WIF1: variants seen among roughly 807,000 people sequenced by gnomAD.
The protein encoded by WIF1 is Wnt inhibitory factor 1.
WIF1 carries 35 observed loss-of-function variants against 53.5 expected under a neutral mutation model. That is an observed-to-expected ratio of 0.65 (90% confidence interval 0.50 to 0.87). The LOEUF (loss-of-function observed/expected upper bound fraction) is 0.87, where lower values mean the gene tolerates loss of function less well. Among genes scored for constraint, WIF1 ranks in the 40% least tolerant of loss-of-function variants. The probability of loss-of-function intolerance (pLI) is 0.00; values close to 1 mark genes in which losing one functional copy is unlikely to be tolerated. For missense variants in WIF1, 467 were observed against 476.8 expected (o/e 0.98, Z 0.19); for synonymous variants, 171 against 170.4 (o/e 1.00, Z -0.03).
chr12:65,102,320 G>T (rs1236850909), intron 2 of WIF1, among the ~76,000 whole-genome samples: 2 of 152,138 alleles, frequency 1.3e-5, no homozygotes, highest in African/African-American at 4.8e-5. Flanking sequence ...ATGATCTTCA[G>T]TTGGCAAGCT....
At chr12:65,053,588 G>T (rs1046552382) in intron 9 of WIF1, among the ~76,000 whole-genome samples, 3 of 152,054 alleles carry the variant, frequency 2.0e-5, no homozygotes, top group Admixed American at 2.0e-4. Context: ...AGTTTCCTGA[G>T]GCCTCCCTAG....
At chr12:65,077,374 T>TG (rs1250644283) in intron 3 of WIF1, among the ~76,000 whole-genome samples, 4 of 6,186 alleles carry the variant, frequency 6.5e-4, no homozygotes. Flanking sequence ...TTATCCCATT[T>TG]GCCCCCAATC....
At position 65,121,279 on chromosome 12, in the gene WIF1, C is replaced by T. The variant is rs1316504544; in HGVS notation, c.-88G>A. 2.2e-6 allele frequency: 3 copies of T among 1,333,342 alleles called. No individual in the cohort carries two copies. The highest frequency in any genetic ancestry group is 1.5e-5 in the African/African-American group (1 of 66,154). 82.6% of individuals were successfully genotyped at this position (1,333,342 alleles called of 1,614,324 possible). ...CGTCAGATACTCTGCTGCGCTGCAG[C>T]TCCCTCAGCCAGGGCTGTTCCCGTT... On this transcript the variant is annotated 5_prime_UTR_variant, in exon 1 of 10. Transcript: ENST00000286574.
intron 2 of WIF1, among the ~76,000 whole-genome samples, chr12:65,079,001 C>A (rs183155096): frequency 6.6e-6 from 1 of 151,892 alleles, no homozygotes; most frequent in Non-Finnish European, 1.5e-5. Flanking sequence ...CCCGTCTCTA[C>A]TAAAAATACA....
chr12:65,100,221 A>G (rs996509995), intron 2 of WIF1, among the ~76,000 whole-genome samples: 8 of 152,326 alleles, frequency 5.3e-5, no homozygotes, highest in African/African-American at 1.9e-4. Context: ...ATAATGTAGC[A>G]TCTATCTGAT....
At chr12:65,103,825 C>T (rs985645162) in intron 2 of WIF1, among the ~76,000 whole-genome samples, 5 of 152,238 alleles carry the variant, frequency 3.3e-5, no homozygotes, top group African/African-American at 1.2e-4. Context: ...TTCCTTGTGC[C>T]TCTAACTTCT....
chr12:65,104,109 G>A (rs1883319812), intron 2 of WIF1, among the ~76,000 whole-genome samples: 1 of 152,152 alleles, frequency 6.6e-6, no homozygotes, highest in African/African-American at 2.4e-5. Context: ...ATTGATCCCA[G>A]TAATAAATGA....
At chr12:65,112,449 CA>C (rs1565761452) in intron 2 of WIF1, among the ~76,000 whole-genome samples, 4 of 149,898 alleles carry the variant, frequency 2.7e-5, no homozygotes, top group African/African-American at 1.0e-4. Flanking sequence ...CACACACACA[CA>C]CCATCCTGGA....
At chr12:65,075,570 A>T (rs1882848676) in intron 3 of WIF1, among the ~76,000 whole-genome samples, 1 of 152,234 alleles carries the variant, frequency 6.6e-6, no homozygotes. Flanking sequence ...ATCTTGAATC[A>T]ATTCAACTTC....
At chr12:65,090,882 A>T (rs1883111873) in intron 2 of WIF1, among the ~76,000 whole-genome samples, 1 of 152,154 alleles carries the variant, frequency 6.6e-6, no homozygotes, top group Admixed American at 6.6e-5. Flanking sequence ...GTCCCTTGAC[A>T]GTGGCAGTAC....
At chr12:65,094,948 ATTTT>A (rs1348141251) in intron 2 of WIF1, among the ~76,000 whole-genome samples, 46 of 121,866 alleles carry the variant, frequency 3.8e-4, no homozygotes, top group African/African-American at 1.4e-3. Context: ...TTATTTATTT[ATTTT>A]GACAAGGTCT....
Position 65,121,099 on chromosome 12 carries a change from C to A in WIF1, c.93G>T (p.Pro31=), listed in dbSNP as rs781492372. ...TCCATAGGTACAGGCTCTCCTCCTG[C>A]GGCGGCCCGGCCTCCGCCCGCAGTG... ...LLALRAEAGP[P]QEESLYLWID... The change falls in exon 1 of 10, where the codon CCG becomes CCT. Residue 31 remains proline, a synonymous_variant. Coordinates refer to ENST00000286574, the MANE Select transcript of WIF1 (RefSeq NM_007191.5). The A allele has an allele frequency of 1.2e-5, 18 of 1,545,172 alleles. No individual in the cohort carries two copies. The highest frequency in any genetic ancestry group is 1.7e-4 in the Middle Eastern group (1 of 5,964).
chr12:65,071,310 AG>A (rs1403986525), intron 3 of WIF1, among the ~76,000 whole-genome samples: 5 of 151,880 alleles, frequency 3.3e-5, no homozygotes, highest in Non-Finnish European at 5.9e-5. Flanking sequence ...AATTAAAGTA[AG>A]GACATGTTCA....
chr12:65,088,604 A>C (rs1883077721), intron 2 of WIF1, among the ~76,000 whole-genome samples: 2 of 152,044 alleles, frequency 1.3e-5, no homozygotes, highest in Admixed American at 1.3e-4. Flanking sequence ...GATGATTTCC[A>C]AGTTGCTAAG....
intron 2 of WIF1, among the ~76,000 whole-genome samples, chr12:65,107,982 G>A (rs1883374826): frequency 6.6e-6 from 1 of 152,188 alleles, no homozygotes; most frequent in Non-Finnish European, 1.5e-5. Flanking sequence ...AGCAAAAGTT[G>A]TTCCACTTGT....
At chr12:65,113,466 GGTTT>G (rs1172862413) in intron 2 of WIF1, among the ~76,000 whole-genome samples, 6 of 152,096 alleles carry the variant, frequency 3.9e-5, no homozygotes, top group South Asian at 2.1e-4. Flanking sequence ...GCCAGCAGAG[GGTTT>G]GTTTATGTGC....
chr12:65,070,078 T>G (rs902249491), intron 3 of WIF1, among the ~76,000 whole-genome samples: 4 of 152,112 alleles, frequency 2.6e-5, no homozygotes, highest in Admixed American at 1.3e-4. Flanking sequence ...TCTCCCTAGG[T>G]TTATAGGAAT....
chr12:65,085,483 A>G (rs1468784548), intron 2 of WIF1, among the ~76,000 whole-genome samples: 1 of 152,220 alleles, frequency 6.6e-6, no homozygotes, highest in African/African-American at 2.4e-5. Flanking sequence ...ATTTTGGATT[A>G]GGAATGCTCA....
intron 2 of WIF1, among the ~76,000 whole-genome samples, chr12:65,117,572 G>A (rs2173456): frequency 0.77 from 117,578 of 152,074 alleles, 45,574 homozygotes; most frequent in East Asian, 1. Context: ...GGATGCTTCA[G>A]GCACATCATA....
Sources: gnomAD v4.1 joint callset for allele counts (sites outside exome capture counted in the v4.1 genomes callset) on GRCh38, gnomAD v4.1.1 for gene constraint, MANE v1.5 for transcripts, NCBI Gene and HGNC (gene_info 2026-07-23, HGNC 2026-07-21) for gene names.